Variants in CDKL5 observed in about 807,000 individuals in gnomAD.
CDKL5 encodes cyclin-dependent kinase-like 5.
CDKL5 carries 8 observed loss-of-function variants against 61.7 expected under a neutral mutation model. That is an observed-to-expected ratio of 0.13 (90% CI 0.08 to 0.23). The LOEUF (loss-of-function observed/expected upper bound fraction) is 0.23. CDKL5 is among the 10% of genes least tolerant of loss of function. CDKL5 has a pLI of 1.00. For missense variants in CDKL5, 440 were observed against 734.5 expected, an observed-to-expected ratio of 0.60 and a Z score of 4.63; for synonymous variants, 275 against 272.3, an observed-to-expected ratio of 1.01 and a Z score of -0.10.
chrX:18,432,756 G>A (rs753294191), intron 1 of CDKL5, among the ~76,000 whole-genome samples: 6 of 110,151 alleles, frequency 5.4e-5, no homozygotes, highest in Admixed American at 1.9e-4. Context: ...ACAGGTGCAG[G>A]CTGCCATGCC....
At position 18,630,188 on chromosome X, in the gene CDKL5, T is replaced by G; in HGVS notation, c.*1431T>G. The G allele has an allele frequency of 1.3e-6, 1 of 753,886 alleles. No homozygotes were observed. The highest frequency in any genetic ancestry group is 1.6e-6 in the Non-Finnish European group (1 of 639,160). 62.1% of individuals were successfully genotyped at this position (753,886 alleles called of 1,213,427 possible). A position where few individuals can be genotyped will look rare whatever the true frequency, so the allele number is the denominator to read the frequency against. On this transcript the variant is annotated 3_prime_UTR_variant, in exon 18 of 18. Coordinates refer to ENST00000623535, the MANE Select transcript of CDKL5 (RefSeq NM_001323289.2). ...TGACAAGATTTTCATGCACACCTGT[T>G]ACGCACACAACCCCCATCAGAACAG...
chrX:18,493,038 G>A (rs1422610862), intron 1 of CDKL5, among the ~76,000 whole-genome samples: 2 of 110,928 alleles, frequency 1.8e-5, no homozygotes, highest in African/African-American at 6.6e-5. Context: ...TGGGTCTCTT[G>A]TGTCACCCTG....
intron 1 of CDKL5, among the ~76,000 whole-genome samples, chrX:18,465,378 T>C (rs1932377448): frequency 8.9e-6 from 1 of 111,786 alleles, no homozygotes; most frequent in Non-Finnish European, 1.9e-5. Flanking sequence ...CATTTTTAAA[T>C]CTTCTGCCGG....
rs1262237405 is a variant in CDKL5 at position 18,632,617 on chromosome X, A to G, written c.*3860A>G. On this transcript the variant is annotated 3_prime_UTR_variant, in exon 18 of 18. Transcript: ENST00000623535. Reference sequence around the variant, plus strand: ...AGTATTTGTGCTGTATGCTTTGGTTAAATCTGTTTTAAAACATGCTTTAAG... The same window carrying G: ...AGTATTTGTGCTGTATGCTTTGGTTGAATCTGTTTTAAAACATGCTTTAAG... 1 of 753,406 alleles carries G rather than the reference A, an allele frequency of 1.3e-6. No individual in the cohort carries two copies. Among genetic ancestry groups the G allele is most frequent in the African/African-American group, 2.3e-5 (1 of 43,457 alleles). 62.1% of individuals were successfully genotyped at this position (753,406 alleles called of 1,213,427 possible).
Position 18,425,831 on chromosome X carries a change from T to C in CDKL5, c.-163+136T>C, listed in dbSNP as rs187188170. Reference sequence around the variant, plus strand: ...CAAGAGAAGGGGCGGGGGCGCCGGTTCCCCCGGAACGGGGCGACGCGGTGA... The same window carrying C: ...CAAGAGAAGGGGCGGGGGCGCCGGTCCCCCCGGAACGGGGCGACGCGGTGA... On this transcript the variant is annotated intron_variant, in intron 1 of 17. Transcript: ENST00000623535. The C allele has an allele frequency of 0.013, 1,471 of 112,405 alleles. 12 individuals are homozygous for C. Among genetic ancestry groups the C allele is most frequent in the Middle Eastern group, 0.05 (11 of 218 alleles). 9.3% of individuals were successfully genotyped at this position (112,405 alleles called of 1,213,427 possible). A position where few individuals can be genotyped will look rare whatever the true frequency, so the allele number is the denominator to read the frequency against.
At chrX:18,519,425 A>G (rs948365654) in intron 3 of CDKL5, among the ~76,000 whole-genome samples, 3 of 111,923 alleles carry the variant, frequency 2.7e-5, no homozygotes, top group African/African-American at 9.7e-5. Flanking sequence ...CCACAGTCTT[A>G]ATTTCTATTT....
intron 3 of CDKL5, among the ~76,000 whole-genome samples, chrX:18,526,725 T>G (rs1424812424): frequency 9.0e-6 from 1 of 111,540 alleles, no homozygotes; most frequent in Non-Finnish European, 1.9e-5. Flanking sequence ...TTTTTCTACT[T>G]AGCATGGTGG....
chrX:18,427,808 T>G (rs1476436390), intron 1 of CDKL5, among the ~76,000 whole-genome samples: 1 of 111,604 alleles, frequency 9.0e-6, no homozygotes, highest in African/African-American at 3.3e-5. Flanking sequence ...ATTTAGGGGT[T>G]TGTGATTGGT....
intron 4 of CDKL5, among the ~76,000 whole-genome samples, chrX:18,569,160 G>C (rs1925061589): frequency 8.9e-6 from 1 of 111,753 alleles, no homozygotes; most frequent in South Asian, 3.7e-4. Context: ...TTTTGTCTGA[G>C]CTTACTTCAT....
At chrX:18,618,169 A>G (rs963571877) in intron 15 of CDKL5, among the ~76,000 whole-genome samples, 24 of 111,768 alleles carry the variant, frequency 2.1e-4, no homozygotes, top group Non-Finnish European at 4.3e-4. Flanking sequence ...TTCCTTAAAG[A>G]TTTGCTGGAT....
chrX:18,614,854 CTT>C (rs1312345748), intron 15 of CDKL5, among the ~76,000 whole-genome samples: 36 of 112,214 alleles, frequency 3.2e-4, no homozygotes, highest in African/African-American at 1.1e-3. Context: ...ATTGGATTCT[CTT>C]GATTATTACA....
chrX:18,634,068 A>G lies in CDKL5; in HGVS notation c.*5311A>G. ...AAAGCCCTTCATTTCCCACAAGGTTAAGCTCTCGAAACCCCATTTGATCCT... is the reference window on the plus strand; with the variant it reads ...AAAGCCCTTCATTTCCCACAAGGTTGAGCTCTCGAAACCCCATTTGATCCT... On this transcript the variant is annotated 3_prime_UTR_variant, in exon 18 of 18. Transcript: ENST00000623535. 1 of 753,983 alleles carries G rather than the reference A, an allele frequency of 1.3e-6. No homozygotes were observed. Among genetic ancestry groups the G allele is most frequent in the Non-Finnish European group, 1.6e-6 (1 of 639,305 alleles). The allele number at this position is 753,983 out of a possible 1,213,427, so 62.1% of individuals were successfully genotyped here.
rs932478243 is a variant in CDKL5, at chrX:18,633,262, A to C, written c.*4505A>C. The C allele has an allele frequency of 2.7e-6, 2 of 752,875 alleles. No homozygotes were observed. The highest frequency in any genetic ancestry group is 1.7e-4 in the Admixed American group (2 of 11,454). The allele number at this position is 752,875 out of a possible 1,213,427, so 62.0% of individuals were successfully genotyped here. A position where few individuals can be genotyped will look rare whatever the true frequency, so the allele number is the denominator to read the frequency against. ...GGTACACTGAACCAAGTCAGAAAATAGTGAAATATTTCCTTGCCTCCTTCA... is the reference window on the plus strand; with the variant it reads ...GGTACACTGAACCAAGTCAGAAAATCGTGAAATATTTCCTTGCCTCCTTCA... On this transcript the variant is annotated 3_prime_UTR_variant, in exon 18 of 18. Coordinates refer to ENST00000623535, the MANE Select transcript of CDKL5 (RefSeq NM_001323289.2).
intron 3 of CDKL5, among the ~76,000 whole-genome samples, chrX:18,554,685 G>A (rs1347189700): frequency 2.7e-5 from 3 of 110,853 alleles, no homozygotes; most frequent in Non-Finnish European, 5.7e-5. Flanking sequence ...CAAAGTGCTG[G>A]GATTACAGGC....
chrX:18,644,061 A>C (rs143803737), downstream of CDKL5, among the ~76,000 whole-genome samples: 2,704 of 111,258 alleles, frequency 0.024, 74 homozygotes, highest in African/African-American at 0.083. Flanking sequence ...CATCTATATA[A>C]ATGGATGATT....
At chrX:18,604,940 C>T in intron 12 of CDKL5, 72 bp downstream of exon 12, 2 of 1,119,460 alleles carry the variant, frequency 1.8e-6, no homozygotes, top group African/African-American at 1.8e-5. Context: ...TGATGAGGGT[C>T]CATCTACTAT....
In CDKL5 at chrX:18,635,433, G is replaced by A. The variant is rs994149628; in HGVS notation, c.*6676G>A. On this transcript the variant is annotated 3_prime_UTR_variant, in exon 18 of 18. Transcript: ENST00000623535. ...AGGCCGTCCCAATCTTGAGCACTGT[G>A]GTCCTTCGTGTTTGAACTGCGAACA... 2.7e-6 allele frequency: 2 copies of A among 752,184 alleles called. No homozygotes were observed. The highest frequency in any genetic ancestry group is 3.1e-6 in the Non-Finnish European group (2 of 638,810). The allele number at this position is 752,184 out of a possible 1,213,427, so 62.0% of individuals were successfully genotyped here.
At chrX:18,588,315 G>T in intron 9 of CDKL5, 172 bp downstream of exon 9, 1 of 365,735 alleles carries the variant, frequency 2.7e-6, no homozygotes. Flanking sequence ...AGTACTTGTG[G>T]ATTTAAAAAG....
intron 1 of CDKL5, among the ~76,000 whole-genome samples, chrX:18,447,958 C>T (rs1436071270): frequency 8.2e-5 from 9 of 110,251 alleles, no homozygotes; most frequent in African/African-American, 3.0e-4. Flanking sequence ...CTCTGTGTTG[C>T]CCAGGCTGGT....
Sources: allele counts gnomAD v4.1 joint callset (sites outside exome capture counted in the v4.1 genomes callset), GRCh38; gene constraint gnomAD v4.1.1; transcripts MANE v1.5; gene names NCBI Gene and HGNC (gene_info 2026-07-23, HGNC 2026-07-21).